CNTN4: variants seen among roughly 807,000 people sequenced by gnomAD.
The protein encoded by CNTN4 is contactin-4.
A neutral mutation model predicts 122.5 loss-of-function variants in CNTN4; 77 were observed. That is an observed-to-expected ratio of 0.63 (90% CI 0.52 to 0.76). The LOEUF is 0.76. Among genes scored for constraint, CNTN4 ranks in the 30% least tolerant of loss-of-function variants. The pLI is 0.00. For synonymous variants in CNTN4, 512 were observed against 447.0 expected (o/e 1.15, Z -1.83); for missense variants, 1,256 against 1,259.1 (o/e 1.00, Z 0.04).
At position 2,781,043 on chromosome 3, in the gene CNTN4, G is replaced by A. The variant is rs566550213; in HGVS notation, c.358+35346G>A. Among the ~76,000 whole-genome samples, 41 of 152,210 alleles carry A rather than the reference G, an allele frequency of 2.7e-4. No homozygotes were observed. The South Asian group carries it at 8.1e-3, about 30-fold the overall frequency. ...TGGTCCTGCCAAAAATCTCAAAGCA[G>A]TAGAAATGGGAAAAATAAAAAGAAA... On this transcript the variant is annotated intron_variant, in intron 6 of 24. Coordinates refer to ENST00000418658, the MANE Select transcript of CNTN4 (RefSeq NM_175607.3).
At chr3:2,134,499 A>G (rs2034593994) in intron 2 of CNTN4, among the ~76,000 whole-genome samples, 2 of 152,170 alleles carry the variant, frequency 1.3e-5, no homozygotes, top group African/African-American at 4.8e-5. Context: ...TGATGGTGTA[A>G]TCACTGCTAA....
At chr3:3,051,108 G>A (rs1427480983) in intron 23 of CNTN4, among the ~76,000 whole-genome samples, 1 of 152,162 alleles carries the variant, frequency 6.6e-6, no homozygotes, top group African/African-American at 2.4e-5. Flanking sequence ...TATTTTATGT[G>A]TGGCCCAAGA....
At chr3:2,210,295 C>T (rs2038556218) in intron 2 of CNTN4, among the ~76,000 whole-genome samples, 1 of 152,116 alleles carries the variant, frequency 6.6e-6, no homozygotes. Flanking sequence ...CATGATATTT[C>T]ACAGAGTAAA....
intron 4 of CNTN4, among the ~76,000 whole-genome samples, chr3:2,576,967 G>A (rs534885326): frequency 1.7e-4 from 26 of 152,260 alleles, no homozygotes; most frequent in African/African-American, 5.5e-4. Flanking sequence ...AGTTAACCCC[G>A]TCCTTAGGGG....
rs568898312 is a variant in CNTN4, at chr3:3,009,467, T to C, written c.1487-16635T>C. ...TTTTTTTTTTGAGATGGAGTCTTGC[T>C]CTGTCGCCCAGGCTGGAGTGCAGTG... is the stretch of plus-strand genomic sequence containing the variant. On this transcript the variant is annotated intron_variant, in intron 14 of 24. Transcript: ENST00000418658. Among the ~76,000 whole-genome samples, 242 of 152,016 alleles carry C rather than the reference T, an allele frequency of 1.6e-3. 2 individuals are homozygous for C. Among genetic ancestry groups the C allele is most frequent in the Non-Finnish European group, 2.8e-3 (187 of 67,954 alleles).
intron 2 of CNTN4, among the ~76,000 whole-genome samples, chr3:2,322,242 A>G (rs1279924073): frequency 6.6e-6 from 1 of 152,212 alleles, no homozygotes; most frequent in Non-Finnish European, 1.5e-5. Context: ...TTCTGTATCA[A>G]TGTTCACAGC....
intron 2 of CNTN4, among the ~76,000 whole-genome samples, chr3:2,163,393 A>G (rs1372453413): frequency 6.6e-6 from 1 of 152,222 alleles, no homozygotes; most frequent in Non-Finnish European, 1.5e-5. Flanking sequence ...ATGAAACCAT[A>G]GAAATTCTAG....
chr3:3,004,811 T>G (rs543589501), intron 14 of CNTN4, among the ~76,000 whole-genome samples: 1 of 152,292 alleles, frequency 6.6e-6, no homozygotes, highest in Non-Finnish European at 1.5e-5. Context: ...GTCTATGCCA[T>G]TGTGTACTTG....
chr3:2,477,686 A>G (rs537508869), intron 3 of CNTN4, among the ~76,000 whole-genome samples: 1 of 152,216 alleles, frequency 6.6e-6, no homozygotes, highest in Non-Finnish European at 1.5e-5. Context: ...AAAGAAGTAC[A>G]TAGTCTATGC....
chr3:3,007,754 G>T (rs931241407), intron 14 of CNTN4, among the ~76,000 whole-genome samples: 6 of 152,214 alleles, frequency 3.9e-5, no homozygotes, highest in Non-Finnish European at 8.8e-5. Context: ...CAAGATAAAA[G>T]TAGGGTATGC....
intron 14 of CNTN4, among the ~76,000 whole-genome samples, chr3:2,997,957 C>T (rs1029056379): frequency 6.6e-6 from 1 of 152,152 alleles, no homozygotes; most frequent in African/African-American, 2.4e-5. Flanking sequence ...AACTTTTTCC[C>T]CTTTTCTCTC....
At chr3:2,971,790 T>C (rs921767824) in intron 13 of CNTN4, among the ~76,000 whole-genome samples, 1 of 152,226 alleles carries the variant, frequency 6.6e-6, no homozygotes, top group African/African-American at 2.4e-5. Context: ...AATGGCAAGA[T>C]ATTTCTTTCT....
At position 2,630,418 on chromosome 3, in the gene CNTN4, G is replaced by A. The variant is rs150005100; in HGVS notation, c.55+58860G>A. Among the ~76,000 whole-genome samples, 248 of 152,230 alleles carry A rather than the reference G, an allele frequency of 1.6e-3. 1 individual carries two copies. The highest frequency in any genetic ancestry group is 5.6e-3 in the African/African-American group (234 of 41,548). On this transcript the variant is annotated intron_variant, in intron 4 of 24. Coordinates refer to ENST00000418658, the MANE Select transcript of CNTN4 (RefSeq NM_175607.3). ...CCTGCCACTGCACTCCAGCCTGGGCGACAGATTGAGACCCTGTCTCAAAAC... is the reference window on the plus strand; with the variant it reads ...CCTGCCACTGCACTCCAGCCTGGGCAACAGATTGAGACCCTGTCTCAAAAC...
intron 4 of CNTN4, among the ~76,000 whole-genome samples, chr3:2,595,653 C>T (rs914204364): frequency 1.2e-4 from 18 of 152,112 alleles, no homozygotes; most frequent in African/African-American, 4.1e-4. Flanking sequence ...GAGGTGGAAG[C>T]CCCTGGTTGT....
chr3:2,139,913 A>T (rs2034909491), intron 2 of CNTN4, among the ~76,000 whole-genome samples: 2 of 152,210 alleles, frequency 1.3e-5, no homozygotes, highest in African/African-American at 4.8e-5. Flanking sequence ...ACCCAAATTT[A>T]ATCTTGAATT....
At chr3:2,524,546 A>T (rs377626275) in intron 3 of CNTN4, among the ~76,000 whole-genome samples, 1 of 152,180 alleles carries the variant, frequency 6.6e-6, no homozygotes, top group Non-Finnish European at 1.5e-5. Context: ...CAACACTGAA[A>T]TACAGTGGAT....
At position 2,325,306 on chromosome 3, in the gene CNTN4, T is replaced by C. The variant is rs367870434; in HGVS notation, c.-144-13872T>C. On this transcript the variant is annotated intron_variant, in intron 2 of 24. Coordinates refer to ENST00000418658, the MANE Select transcript of CNTN4 (RefSeq NM_175607.3). ...TCATTATTTTTTGCTTTATATAATA[T>C]TTTCCCATTGAACATGCTATTTATG... Among the ~76,000 whole-genome samples, 148 of 152,326 alleles carry C rather than the reference T, an allele frequency of 9.7e-4. 1 individual carries two copies. Among genetic ancestry groups the C allele is most frequent in the African/African-American group, 3.4e-3 (141 of 41,586 alleles).
At chr3:2,970,912 C>T (rs1400703790) in intron 13 of CNTN4, among the ~76,000 whole-genome samples, 4 of 152,098 alleles carry the variant, frequency 2.6e-5, no homozygotes, top group Admixed American at 6.6e-5. Flanking sequence ...CTCAGCCCCC[C>T]GAGTAGCTGA....
chr3:2,503,507 C>T (rs1019533701), intron 3 of CNTN4, among the ~76,000 whole-genome samples: 2 of 152,036 alleles, frequency 1.3e-5, no homozygotes, highest in Non-Finnish European at 2.9e-5. Context: ...TCATTTAATT[C>T]CCATATCATC....
Sources: gnomAD v4.1 joint callset for allele counts (sites outside exome capture counted in the v4.1 genomes callset) on GRCh38, gnomAD v4.1.1 for gene constraint, MANE v1.5 for transcripts, NCBI Gene and HGNC (gene_info 2026-07-23, HGNC 2026-07-21) for gene names.